The following FAM151B variants were observed in gnomAD, a reference collection of about 807,000 sequenced individuals.
The protein encoded by FAM151B is protein FAM151B.
Under a neutral mutation model 31.2 loss-of-function variants are expected in FAM151B, and 24 were observed. The ratio of observed to expected loss-of-function variants is 0.77; its 90% confidence interval spans 0.56 to 1.08. The LOEUF (loss-of-function observed/expected upper bound fraction) is 1.08. FAM151B is among the 50% of genes least tolerant of loss of function. The pLI is 0.00. For synonymous variants in FAM151B, 105 were observed against 111.4 expected (o/e 0.94, Z 0.36); for missense variants, 293 against 328.6 (o/e 0.89, Z 0.84).
chr5:80,510,945 G>T (rs1361149196), intron 2 of FAM151B: 1 of 152,202 alleles, frequency 6.6e-6, no homozygotes, highest in Admixed American at 6.5e-5. Flanking sequence ...ATGCCCTGGA[G>T]TTGCTGTTTG....
chr5:80,494,502 TTC>T (rs754351199), intron 1 of FAM151B, among the ~76,000 whole-genome samples: 11 of 148,700 alleles, frequency 7.4e-5, no homozygotes, highest in African/African-American at 2.8e-4. Context: ...CTTTCTTTCT[TTC>T]TTTCTTTCTT....
chr5:80,501,546 T>C (rs1257650617), intron 1 of FAM151B: 1 of 471,850 alleles, frequency 2.1e-6, no homozygotes, highest in African/African-American at 2.0e-5. Context: ...AATTGTACTG[T>C]ATATAAGGGA....
Position 80,488,268 on chromosome 5 carries a change from C to T in FAM151B, c.25+120C>T. 4.7e-6 allele frequency: 6 copies of T among 1,274,868 alleles called. No individual in the cohort carries two copies. In the South Asian group the frequency reaches 9.3e-5, roughly 20 times the overall value. 79.0% of individuals were successfully genotyped at this position (1,274,868 alleles called of 1,614,324 possible). On this transcript the variant is annotated intron_variant, in intron 1 of 5. Transcript: ENST00000282226. ...TTGCTAGGGACCTGGGAGCGCGCCG[C>T]GCAGAACCGGGCGGCTGGGCTTGGA...
At chr5:80,507,735 C>G (rs1287456051) in intron 2 of FAM151B, among the ~76,000 whole-genome samples, 1 of 152,128 alleles carries the variant, frequency 6.6e-6, no homozygotes, top group East Asian at 1.9e-4. Flanking sequence ...TATTTATTGG[C>G]ATCTTCAAAC....
At chr5:80,496,622 T>C (rs1433250687) in intron 1 of FAM151B, among the ~76,000 whole-genome samples, 3 of 152,080 alleles carry the variant, frequency 2.0e-5, no homozygotes, top group African/African-American at 7.2e-5. Context: ...CTATGGACTT[T>C]AGTTAACAAA....
At chr5:80,511,195 G>C (rs935753111) in intron 2 of FAM151B, 6 of 152,022 alleles carry the variant, frequency 3.9e-5, no homozygotes, top group Admixed American at 2.0e-4. Flanking sequence ...AATGTGGCCG[G>C]GTGTGGTGGC....
At chr5:80,498,396 T>C (rs1743625676) in intron 1 of FAM151B, 1 of 347,462 alleles carries the variant, frequency 2.9e-6, no homozygotes, top group Non-Finnish European at 5.4e-6. Flanking sequence ...TTAGAATTTG[T>C]CTTTATATGC....
intron 1 of FAM151B, among the ~76,000 whole-genome samples, chr5:80,496,331 G>A (rs1326751965): frequency 6.6e-6 from 1 of 152,208 alleles, no homozygotes; most frequent in African/African-American, 2.4e-5. Flanking sequence ...CTAGCGGAAG[G>A]CTCAGATGAT....
At chr5:80,516,657 A>C (rs115354173) in intron 3 of FAM151B, among the ~76,000 whole-genome samples, 2 of 152,242 alleles carry the variant, frequency 1.3e-5, no homozygotes, top group Non-Finnish European at 2.9e-5. Context: ...TCGGATGATC[A>C]TCTTGGTGAA....
chr5:80,492,048 G>A (rs1743351211), intron 1 of FAM151B, among the ~76,000 whole-genome samples: 1 of 152,186 alleles, frequency 6.6e-6, no homozygotes, highest in Admixed American at 6.5e-5. Context: ...GATAAATAGA[G>A]GGAGCACAGA....
chr5:80,509,659 T>A (rs1441565513), intron 2 of FAM151B, among the ~76,000 whole-genome samples: 1 of 152,266 alleles, frequency 6.6e-6, no homozygotes, highest in African/African-American at 2.4e-5. Flanking sequence ...GAAACAGTTT[T>A]ATTTTCAAAT....
At chr5:80,529,043 GACCACAGTGCAATCAA>G (rs1377126093) in intron 5 of FAM151B, among the ~76,000 whole-genome samples, 15 of 152,208 alleles carry the variant, frequency 9.9e-5, no homozygotes, top group Admixed American at 9.8e-4. Context: ...CTGTCTCTGA[GACCACAGTGCAATCAA>G]ACTACAACTC....
At position 80,541,865 on chromosome 5, in the gene FAM151B, G is replaced by T; in HGVS notation, c.*33G>T. ...ATTCTCAATTATTTCCTGTGTTTTG[G>T]TTTCATAATCCTTCTCTCCATTGGT... On this transcript the variant is annotated 3_prime_UTR_variant, in exon 6 of 6. Coordinates refer to ENST00000282226, the MANE Select transcript of FAM151B (RefSeq NM_205548.3). The T allele has an allele frequency of 1.3e-6, 2 of 1,592,222 alleles. No individual in the cohort carries two copies. Among genetic ancestry groups the T allele is most frequent in the Non-Finnish European group, 1.7e-6 (2 of 1,168,706 alleles).
rs1054915739 is a variant in FAM151B, at chr5:80,541,676, C to T, written c.675C>T (p.Tyr225=). Residue 225 remains tyrosine (Y), a synonymous_variant, in exon 6 of 6, where the codon TAC becomes TAT. Coordinates refer to ENST00000282226, the MANE Select transcript of FAM151B (RefSeq NM_205548.3). ...ATTCTGTTTTATTTCAATGCAGGTA[C>T]AGCCTGACTATTTGGACTGGAAAAA... ...LLWLLKKSNR[Y]SLTIWTGKND... 3.7e-6 allele frequency: 6 copies of T among 1,613,116 alleles called. No individual in the cohort carries two copies. The African/African-American group carries it at 5.3e-5, about 14-fold the overall frequency.
At chr5:80,489,418 T>C (rs1344067547) in intron 1 of FAM151B, among the ~76,000 whole-genome samples, 1 of 152,190 alleles carries the variant, frequency 6.6e-6, no homozygotes, top group Non-Finnish European at 1.5e-5. Flanking sequence ...ACCCTTGTGC[T>C]CTTCTCAGTA....
At chr5:80,538,434 TTC>T (rs1294522504) in intron 5 of FAM151B, among the ~76,000 whole-genome samples, 1 of 57,510 alleles carries the variant, frequency 1.7e-5, no homozygotes, top group East Asian at 5.1e-4. Context: ...CTTTCTTTCT[TTC>T]TTTCTTTCTT....
At chr5:80,506,130 C>G (rs1303017556) in intron 2 of FAM151B, 1 of 984,826 alleles carries the variant, frequency 1.0e-6, no homozygotes, top group Non-Finnish European at 1.2e-6. Context: ...TTTGTAGCTC[C>G]AGGGGTGCAT....
At chr5:80,528,794 G>A (rs891192913) in intron 5 of FAM151B, among the ~76,000 whole-genome samples, 2 of 151,826 alleles carry the variant, frequency 1.3e-5, no homozygotes, top group East Asian at 1.9e-4. Context: ...AATGGGAGAC[G>A]TTAACATCCC....
intron 1 of FAM151B, chr5:80,500,937 A>T (rs151277134): frequency 1.4e-6 from 1 of 737,676 alleles, no homozygotes. Flanking sequence ...ACTTCAAAGA[A>T]GCAAATAACT....
Sources: allele counts gnomAD v4.1 joint callset (sites outside exome capture counted in the v4.1 genomes callset), GRCh38; gene constraint gnomAD v4.1.1; transcripts MANE v1.5; gene names NCBI Gene and HGNC (gene_info 2026-07-23, HGNC 2026-07-21).